Variants in RASGEF1A observed in about 807,000 individuals in gnomAD.
The protein encoded by RASGEF1A is RasGEF domain family member 1A, also known as ras-GEF domain-containing family member 1A.
A neutral mutation model predicts 56.4 loss-of-function variants in RASGEF1A; 18 were observed. That is an observed-to-expected ratio of 0.32 (90% CI 0.22 to 0.47). The LOEUF (loss-of-function observed/expected upper bound fraction) is 0.47, where lower values mean the gene tolerates loss of function less well. Among genes scored for constraint, RASGEF1A ranks in the 20% least tolerant of loss-of-function variants. The probability of loss-of-function intolerance (pLI) is 1.00; values close to 1 mark genes in which losing one functional copy is unlikely to be tolerated. For synonymous variants in RASGEF1A, 245 were observed against 242.6 expected (o/e 1.01, Z -0.09); for missense variants, 422 against 627.1 (o/e 0.67, Z 3.49).
intron 1 of RASGEF1A, among the ~76,000 whole-genome samples, chr10:43,214,470 A>C (rs1299155204): frequency 6.6e-6 from 1 of 152,196 alleles, no homozygotes; most frequent in African/African-American, 2.4e-5. Flanking sequence ...GTGTGTGCAC[A>C]GAGCACAACT....
intron 1 of RASGEF1A, among the ~76,000 whole-genome samples, chr10:43,216,154 C>T (rs1174054710): frequency 2.0e-5 from 3 of 152,188 alleles, no homozygotes; most frequent in Non-Finnish European, 2.9e-5. Context: ...TGCCAGGCTG[C>T]CCCCCAACCT....
intron 1 of RASGEF1A, among the ~76,000 whole-genome samples, chr10:43,250,806 G>A (rs1293040586): frequency 6.6e-6 from 1 of 152,228 alleles, no homozygotes; most frequent in East Asian, 1.9e-4. Context: ...GGTCAATGGC[G>A]GCTTCCCAGC....
chr10:43,219,596 A>G (rs528411971), intron 1 of RASGEF1A, among the ~76,000 whole-genome samples: 89 of 152,330 alleles, frequency 5.8e-4, no homozygotes, highest in African/African-American at 2.0e-3. Flanking sequence ...GCCCACATCC[A>G]GCCAGCCCTG....
At chr10:43,221,161 C>T (rs1280731604) in intron 1 of RASGEF1A, among the ~76,000 whole-genome samples, 1 of 152,150 alleles carries the variant, frequency 6.6e-6, no homozygotes, top group Non-Finnish European at 1.5e-5. Flanking sequence ...GAACTTGGAC[C>T]CTGGGCAATC....
At chr10:43,206,314 C>T (rs1445413285) in intron 1 of RASGEF1A, among the ~76,000 whole-genome samples, 192 bp from the exon 2 acceptor site, 2 of 152,190 alleles carry the variant, frequency 1.3e-5, no homozygotes, top group African/African-American at 4.8e-5. Context: ...AGCCGCTGCA[C>T]ATCTGATCAC....
intron 4 of RASGEF1A, 26 bp downstream of exon 4, chr10:43,201,782 C>T: frequency 6.5e-7 from 1 of 1,548,830 alleles, no homozygotes; most frequent in Non-Finnish European, 8.8e-7. Context: ...CCCAAAGACC[C>T]TGGCCAGAGC....
At chr10:43,230,626 C>T (rs888494754) in intron 1 of RASGEF1A, among the ~76,000 whole-genome samples, 2 of 152,188 alleles carry the variant, frequency 1.3e-5, no homozygotes, top group Non-Finnish European at 2.9e-5. Context: ...AGGGTATGCT[C>T]AGCTTGAACC....
rs752716027 is a variant in RASGEF1A, at chr10:43,198,822, AG to A, written c.1032+110del. On this transcript the variant is annotated intron_variant, in intron 9 of 12. Coordinates refer to ENST00000395810, the MANE Select transcript of RASGEF1A (RefSeq NM_145313.4). ...CAGCTCAGCCAGCACTGTAGGTGCT[AG>A]CCCCAGGGAGAGGAGGGCAGCCCCC... The A allele has an allele frequency of 8.2e-5, 78 of 955,710 alleles. No individual in the cohort carries two copies. In the East Asian group the frequency reaches 1.3e-3, roughly 16 times the overall value. 59.2% of individuals were successfully genotyped at this position (955,710 alleles called of 1,614,324 possible).
At chr10:43,203,919 C>T (rs1010233124) in intron 2 of RASGEF1A, 34 of 322,600 alleles carry the variant, frequency 1.1e-4, no homozygotes, top group African/African-American at 7.5e-4. Flanking sequence ...AGGGGCGGGG[C>T]CCCATCAGCA....
At chr10:43,229,666 G>C (rs1441425030) in intron 1 of RASGEF1A, 4 of 1,489,822 alleles carry the variant, frequency 2.7e-6, no homozygotes, top group Non-Finnish European at 3.6e-6. Context: ...CTGGCCGCCG[G>C]CTCCCCGCGC....
At chr10:43,261,453 T>G (rs1015115843) in intron 1 of RASGEF1A, among the ~76,000 whole-genome samples, 5 of 152,326 alleles carry the variant, frequency 3.3e-5, no homozygotes, top group Non-Finnish European at 7.4e-5. Flanking sequence ...GTGCCACCAA[T>G]GCTCACCTGG....
chr10:43,254,665 A>C (rs567458310), intron 1 of RASGEF1A, among the ~76,000 whole-genome samples: 1 of 152,234 alleles, frequency 6.6e-6, no homozygotes, highest in Admixed American at 6.5e-5. Context: ...CTGGGAGTCC[A>C]TAAGGCTGTG....
At chr10:43,225,979 A>T (rs1300926867) in intron 1 of RASGEF1A, among the ~76,000 whole-genome samples, 1 of 135,246 alleles carries the variant, frequency 7.4e-6, no homozygotes, top group African/African-American at 2.8e-5. Flanking sequence ...GGGAAATGCC[A>T]GGGGCTGGGT....
chr10:43,239,523 T>G (rs561970029), intron 1 of RASGEF1A, among the ~76,000 whole-genome samples: 142 of 152,362 alleles, frequency 9.3e-4, no homozygotes, highest in Middle Eastern at 6.8e-3. Flanking sequence ...TTAGGAGGAT[T>G]TATTCAAAAA....
chr10:43,226,020 CA>C (rs1450854635), intron 1 of RASGEF1A, among the ~76,000 whole-genome samples: 7 of 144,732 alleles, frequency 4.8e-5, no homozygotes, highest in African/African-American at 1.3e-4. Context: ...TGGGCGGTGA[CA>C]GGGGTGGGGG....
intron 7 of RASGEF1A, 118 bp from the exon 8 acceptor site, chr10:43,199,312 G>T: frequency 1.3e-6 from 1 of 777,984 alleles, no homozygotes; most frequent in Non-Finnish European, 2.2e-6. Context: ...TGGCCACAGC[G>T]GGCTGATCCA....
chr10:43,215,560 G>T (rs1362784366), intron 1 of RASGEF1A, among the ~76,000 whole-genome samples: 2 of 152,218 alleles, frequency 1.3e-5, no homozygotes, highest in African/African-American at 4.8e-5. Context: ...GACAGAATGG[G>T]CTCTTCGCCC....
At chr10:43,242,724 G>T (rs1349352126) in intron 1 of RASGEF1A, among the ~76,000 whole-genome samples, 1 of 152,176 alleles carries the variant, frequency 6.6e-6, no homozygotes, top group Non-Finnish European at 1.5e-5. Flanking sequence ...GTGCAGACAG[G>T]GTTTCGCTGT....
chr10:43,226,599 G>A (rs1222356646), intron 1 of RASGEF1A, among the ~76,000 whole-genome samples: 3 of 151,896 alleles, frequency 2.0e-5, no homozygotes, highest in Admixed American at 2.0e-4. Context: ...AACTCCCATT[G>A]TCCTGGAACC....
Sources: gnomAD v4.1 joint callset for allele counts (sites outside exome capture counted in the v4.1 genomes callset) on GRCh38, gnomAD v4.1.1 for gene constraint, MANE v1.5 for transcripts, NCBI Gene and HGNC (gene_info 2026-07-23, HGNC 2026-07-21) for gene names.